The following PCDH11X variants were observed in gnomAD, a reference collection of about 807,000 sequenced individuals.
PCDH11X encodes protocadherin-11 X-linked.
PCDH11X carries 18 observed loss-of-function variants against 53.3 expected under a neutral mutation model. The ratio of observed to expected loss-of-function variants is 0.34; its 90% CI spans 0.23 to 0.50. The LOEUF (loss-of-function observed/expected upper bound fraction) is 0.50, where lower values mean the gene tolerates loss of function less well. Among genes scored for constraint, PCDH11X ranks in the 20% least tolerant of loss-of-function variants. The pLI is 0.98. For missense variants in PCDH11X, 570 were observed against 1,032.4 expected (o/e 0.55, Z 6.14); for synonymous variants, 279 against 393.3 (o/e 0.71, Z 3.44).
chrX:91,960,852 T>A (rs1207269175), intron 6 of PCDH11X, among the ~76,000 whole-genome samples: 2 of 111,642 alleles, frequency 1.8e-5, no homozygotes, highest in Non-Finnish European at 3.8e-5. Context: ...GACAATCCTT[T>A]TGCCATTGTG....
At chrX:91,827,881 A>C (rs1291229872) in intron 4 of PCDH11X, among the ~76,000 whole-genome samples, 1 of 107,132 alleles carries the variant, frequency 9.3e-6, no homozygotes, top group African/African-American at 3.4e-5. Flanking sequence ...GTGATGCCTC[A>C]TGTTTCGTTC....
At chrX:92,287,891 C>T in intron 8 of PCDH11X, 1 of 503,911 alleles carries the variant, frequency 2.0e-6, no homozygotes, top group Non-Finnish European at 3.6e-6. Context: ...TGAGTTTGTT[C>T]TTACGAGATC....
At chrX:91,949,354 GA>G (rs199902057) in intron 6 of PCDH11X, among the ~76,000 whole-genome samples, 7,251 of 106,923 alleles carry the variant, frequency 0.068, 315 homozygotes, top group African/African-American at 0.12. Context: ...GATATAGAGG[GA>G]AAAAAAAACT....
rs756926383 is a variant in PCDH11X, at chrX:91,907,412, C to CACACACACAGAG, written c.3033+28140_3033+28141insCACACACAGAGA. ...ACACACACACACACACACACACACA[C>CACACACACAGAG]AGAGAGAGAGAGAGAGAGAGAGAGA... On this transcript the variant is annotated intron_variant, in intron 6 of 10. Coordinates refer to ENST00000682573, the MANE Select transcript of PCDH11X (RefSeq NM_032968.5). Among the ~76,000 whole-genome samples, 95 of 57,487 alleles carry CACACACACAGAG rather than the reference C, an allele frequency of 1.7e-3. 2 individuals are homozygous for CACACACACAGAG. Among genetic ancestry groups the CACACACACAGAG allele is most frequent in the East Asian group, 0.014 (23 of 1,678 alleles). The allele number at this position is 57,487 out of a possible 115,157, so 49.9% of individuals were successfully genotyped here.
At chrX:92,312,475 A>G (rs2068971329) in intron 8 of PCDH11X, among the ~76,000 whole-genome samples, 2 of 110,636 alleles carry the variant, frequency 1.8e-5, no homozygotes, top group African/African-American at 6.6e-5. Flanking sequence ...CTTACATGTT[A>G]AAGTAAGAGA....
chrX:92,231,366 T>G (rs1017000870), intron 7 of PCDH11X, among the ~76,000 whole-genome samples: 3 of 112,009 alleles, frequency 2.7e-5, no homozygotes, highest in African/African-American at 9.7e-5. Context: ...CAAGATTTTG[T>G]GTGCTACATA....
At chrX:92,358,262 T>G (rs1481673428) in intron 8 of PCDH11X, among the ~76,000 whole-genome samples, 1 of 98,812 alleles carries the variant, frequency 1.0e-5, no homozygotes, top group Admixed American at 1.2e-4. Flanking sequence ...ATTGATGTCA[T>G]GGAGTAAAGA....
At chrX:92,158,481 G>T (rs1272280992) in intron 6 of PCDH11X, among the ~76,000 whole-genome samples, 2 of 109,089 alleles carry the variant, frequency 1.8e-5, no homozygotes, top group Admixed American at 9.8e-5. Context: ...CTGCACTCCA[G>T]CCTGGGTGAC....
At chrX:92,577,547 A>G (rs1257935139) in intron 10 of PCDH11X, among the ~76,000 whole-genome samples, 1 of 108,232 alleles carries the variant, frequency 9.2e-6, no homozygotes, top group Non-Finnish European at 1.9e-5. Flanking sequence ...TATCTTTTTC[A>G]GGTCCACTCT....
intron 7 of PCDH11X, among the ~76,000 whole-genome samples, chrX:92,260,162 T>A (rs1355477262): frequency 9.0e-6 from 1 of 110,579 alleles, no homozygotes; most frequent in Non-Finnish European, 1.9e-5. Flanking sequence ...GCACTAGGAC[T>A]CACCTAAGAG....
chrX:92,279,477 AG>A (rs982360965), intron 8 of PCDH11X, among the ~76,000 whole-genome samples: 4 of 112,266 alleles, frequency 3.6e-5, no homozygotes, highest in African/African-American at 1.3e-4. Context: ...CTAGCATTAA[AG>A]GAACTGTCTC....
intron 7 of PCDH11X, among the ~76,000 whole-genome samples, chrX:92,211,235 A>C (rs112577941): frequency 6.4e-4 from 72 of 111,723 alleles, no homozygotes; most frequent in African/African-American, 2.2e-3. Flanking sequence ...TCATGGCAGA[A>C]AGTGAACGAG....
intron 8 of PCDH11X, among the ~76,000 whole-genome samples, chrX:92,367,026 C>T (rs1416219258): frequency 2.3e-4 from 25 of 107,684 alleles, no homozygotes; most frequent in Middle Eastern, 9.5e-3. Flanking sequence ...GGTCCAGAGC[C>T]GAGTTCAAGT....
intron 6 of PCDH11X, among the ~76,000 whole-genome samples, chrX:92,109,891 C>T (rs1668305537): frequency 8.9e-6 from 1 of 112,362 alleles, no homozygotes; most frequent in South Asian, 3.6e-4. Context: ...TAATCTCTTT[C>T]ACTATCATAA....
At chrX:91,920,005 C>T (rs1941693287) in intron 6 of PCDH11X, among the ~76,000 whole-genome samples, 1 of 111,293 alleles carries the variant, frequency 9.0e-6, no homozygotes, top group South Asian at 3.7e-4. Flanking sequence ...ATTATTTTTG[C>T]CCTTTACAGA....
At chrX:92,153,456 T>C (rs756503155) in intron 6 of PCDH11X, among the ~76,000 whole-genome samples, 8 of 111,887 alleles carry the variant, frequency 7.2e-5, no homozygotes, top group Non-Finnish European at 1.5e-4. Flanking sequence ...GTGGTTTACT[T>C]TTTATCAAAC....
chrX:92,172,581 G>T (rs1196532778), intron 6 of PCDH11X, among the ~76,000 whole-genome samples: 1 of 109,809 alleles, frequency 9.1e-6, no homozygotes, highest in East Asian at 2.9e-4. Flanking sequence ...TTTGACATTA[G>T]ATTATTAGTA....
chrX:92,074,346 G>A (rs1203545668), intron 6 of PCDH11X, among the ~76,000 whole-genome samples: 1 of 110,222 alleles, frequency 9.1e-6, no homozygotes, highest in Non-Finnish European at 1.9e-5. Flanking sequence ...TAAAAGATAC[G>A]ATTCAGTTTC....
intron 6 of PCDH11X, among the ~76,000 whole-genome samples, chrX:92,043,980 G>T (rs2063246773): frequency 9.0e-6 from 1 of 111,386 alleles, no homozygotes; most frequent in Non-Finnish European, 1.9e-5. Flanking sequence ...TTAATATAAG[G>T]ACATTGTTGA....
Sources: gnomAD v4.1 joint callset for allele counts (sites outside exome capture counted in the v4.1 genomes callset) on GRCh38, gnomAD v4.1.1 for gene constraint, MANE v1.5 for transcripts, NCBI Gene and HGNC (gene_info 2026-07-23, HGNC 2026-07-21) for gene names.